NTRK2: variants seen among roughly 807,000 people sequenced by gnomAD.
NTRK2 encodes neurotrophic receptor tyrosine kinase 2.
In NTRK2, 13 loss-of-function variants were observed where a neutral mutation model predicts 94.5. The observed-to-expected ratio is 0.14, with a 90% CI of 0.09 to 0.22. The LOEUF (loss-of-function observed/expected upper bound fraction) is 0.22. NTRK2 is among the 10% of genes least tolerant of loss of function. The probability of loss-of-function intolerance (pLI) is 1.00; values close to 1 mark genes in which losing one functional copy is unlikely to be tolerated. For missense variants in NTRK2, 639 were observed against 1,071.2 expected (o/e 0.60, Z 5.63); for synonymous variants, 372 against 407.4 (o/e 0.91, Z 1.05).
chr9:84,811,619 A>C (rs1323527190), intron 12 of NTRK2: 4 of 1,065,304 alleles, frequency 3.8e-6, no homozygotes, highest in Non-Finnish European at 4.5e-6. Flanking sequence ...GATTCTAAGA[A>C]GGATAGTCCC....
At chr9:84,780,817 A>G (rs1276358466) in intron 12 of NTRK2, among the ~76,000 whole-genome samples, 1 of 152,224 alleles carries the variant, frequency 6.6e-6, no homozygotes, top group Non-Finnish European at 1.5e-5. Context: ...ATGGAAACAT[A>G]GGTGGATGTT....
intron 17 of NTRK2, 119 bp downstream of exon 17, chr9:84,955,636 C>A: frequency 1.2e-6 from 1 of 852,682 alleles, no homozygotes; most frequent in Non-Finnish European, 1.9e-6. Context: ...AAACGACAGA[C>A]ATGTGTTTCT....
At chr9:85,017,521 C>A (rs192708683) in intron 17 of NTRK2, among the ~76,000 whole-genome samples, 127 of 152,262 alleles carry the variant, frequency 8.3e-4, no homozygotes, top group African/African-American at 3.0e-3. Context: ...AGCTGTCTTA[C>A]CTGAGACATA....
Position 84,797,577 on chromosome 9 carries a change from T to C in NTRK2, c.1396+45492T>C, listed in dbSNP as rs1429046000. Among the ~76,000 whole-genome samples, 182 of 88,484 alleles carry C rather than the reference T, an allele frequency of 2.1e-3. 10 individuals carry two copies. The highest frequency in any genetic ancestry group is 9.9e-3 in the African/African-American group (171 of 17,292). 58.0% of individuals were successfully genotyped at this position (88,484 alleles called of 152,430 possible). On this transcript the variant is annotated intron_variant, in intron 12 of 18. Coordinates refer to ENST00000277120, the MANE Select transcript of NTRK2 (RefSeq NM_006180.6). ...TTATATATACTATATATTATATATA[T>C]TATATATACTATATATACTATATAT...
chr9:84,670,451 C>A lies in NTRK2; in HGVS notation c.-298C>A, dbSNP rs1351366915. 1 of 481,094 alleles carries A rather than the reference C, an allele frequency of 2.1e-6. No homozygotes were observed. Among genetic ancestry groups the A allele is most frequent in the Non-Finnish European group, 3.8e-6 (1 of 265,312 alleles). The allele number at this position is 481,094 out of a possible 1,614,324, so 29.8% of individuals were successfully genotyped here. On this transcript the variant is annotated 5_prime_UTR_variant, in exon 2 of 19. Coordinates refer to ENST00000277120, the MANE Select transcript of NTRK2 (RefSeq NM_006180.6). Reference sequence around the variant, plus strand: ...CCCCAGAGAGTCCCGGGAGCGCCGCCGGTCGGTGCCCGGCGCGCCGGGCCA... The same window carrying A: ...CCCCAGAGAGTCCCGGGAGCGCCGCAGGTCGGTGCCCGGCGCGCCGGGCCA...
chr9:84,903,185 A>G (rs1003081704), intron 14 of NTRK2, among the ~76,000 whole-genome samples: 1 of 152,230 alleles, frequency 6.6e-6, no homozygotes, highest in African/African-American at 2.4e-5. Context: ...CAGATGGAAC[A>G]TTTCCATCAC....
intron 14 of NTRK2, chr9:84,875,405 C>T: frequency 9.4e-7 from 1 of 1,061,960 alleles, no homozygotes; most frequent in Non-Finnish European, 1.1e-6. Flanking sequence ...TGGAAAGACT[C>T]AGGAAATGAG....
chr9:84,988,798 G>C (rs533946710), intron 17 of NTRK2, among the ~76,000 whole-genome samples: 2 of 152,386 alleles, frequency 1.3e-5, no homozygotes, highest in South Asian at 4.1e-4. Context: ...AGCCAGCGCT[G>C]CTGGGCAACT....
At chr9:84,938,121 T>C (rs1211723329) in intron 15 of NTRK2, among the ~76,000 whole-genome samples, 4 of 152,116 alleles carry the variant, frequency 2.6e-5, no homozygotes, top group African/African-American at 9.7e-5. Flanking sequence ...ATCAGAGGTG[T>C]TGTACAGGAA....
At chr9:84,744,192 C>T (rs911114404) in intron 10 of NTRK2, among the ~76,000 whole-genome samples, 15 of 151,948 alleles carry the variant, frequency 9.9e-5, no homozygotes, top group African/African-American at 3.1e-4. Context: ...TTTGACAACC[C>T]CTGAAAAAAA....
At chr9:84,747,145 G>A (rs965997258) in intron 11 of NTRK2, among the ~76,000 whole-genome samples, 11 of 152,136 alleles carry the variant, frequency 7.2e-5, no homozygotes, top group South Asian at 4.2e-4. Flanking sequence ...TGGGAGGTGC[G>A]TAAACAGATG....
At chr9:84,813,349 G>T in intron 12 of NTRK2, 1 of 1,030,830 alleles carries the variant, frequency 9.7e-7, no homozygotes, top group Non-Finnish European at 1.2e-6. Flanking sequence ...CGTGTGAAAT[G>T]TCCCGATTGT....
chr9:84,885,155 G>A (rs966486785), intron 14 of NTRK2, among the ~76,000 whole-genome samples: 7 of 152,152 alleles, frequency 4.6e-5, no homozygotes, highest in African/African-American at 1.7e-4. Context: ...GATGATCACT[G>A]AGGTCCCTCC....
At chr9:84,686,726 T>C (rs1221592155) in intron 2 of NTRK2, among the ~76,000 whole-genome samples, 4 of 152,228 alleles carry the variant, frequency 2.6e-5, no homozygotes, top group Non-Finnish European at 1.5e-5. Context: ...GCTGATCCTA[T>C]GAATGTTTCA....
intron 16 of NTRK2, among the ~76,000 whole-genome samples, chr9:84,954,245 C>T (rs1385893523): frequency 6.6e-6 from 1 of 152,232 alleles, no homozygotes; most frequent in African/African-American, 2.4e-5. Flanking sequence ...GCCTTTATTC[C>T]TTGCACTGCA....
intron 5 of NTRK2, among the ~76,000 whole-genome samples, chr9:84,708,795 G>A: frequency 6.6e-6 from 1 of 152,206 alleles, no homozygotes; most frequent in East Asian, 1.9e-4. Flanking sequence ...GTTAATAGGT[G>A]TAATGGGTGT....
chr9:84,908,483 T>G (rs1453370033), intron 14 of NTRK2, among the ~76,000 whole-genome samples: 1 of 152,246 alleles, frequency 6.6e-6, no homozygotes, highest in Non-Finnish European at 1.5e-5. Context: ...ATCTAATTGC[T>G]TTTTTAATGA....
intron 12 of NTRK2, among the ~76,000 whole-genome samples, chr9:84,849,033 T>C (rs2074617174): frequency 6.6e-6 from 1 of 152,200 alleles, no homozygotes; most frequent in Non-Finnish European, 1.5e-5. Flanking sequence ...TTCTTAGGCA[T>C]ACATATTGGA....
chr9:84,966,736 A>G (rs1425754723), intron 17 of NTRK2, among the ~76,000 whole-genome samples: 1 of 152,236 alleles, frequency 6.6e-6, no homozygotes, highest in African/African-American at 2.4e-5. Flanking sequence ...CAGCCAGTGT[A>G]GAGCTATTAT....
Sources: allele counts gnomAD v4.1 joint callset (sites outside exome capture counted in the v4.1 genomes callset), GRCh38; gene constraint gnomAD v4.1.1; transcripts MANE v1.5; gene names NCBI Gene and HGNC (gene_info 2026-07-23, HGNC 2026-07-21).